DGKG: variants seen among roughly 807,000 people sequenced by gnomAD.
The protein encoded by DGKG is DAG kinase gamma.
In DGKG, 78 loss-of-function variants were observed where a neutral mutation model predicts 105.3. The observed-to-expected ratio is 0.74, with a 90% CI of 0.62 to 0.89. The LOEUF (loss-of-function observed/expected upper bound fraction) is 0.89, where lower values mean the gene tolerates loss of function less well. DGKG is among the 40% of genes least tolerant of loss of function. The pLI is 0.00. For synonymous variants in DGKG, 346 were observed against 367.1 expected (o/e 0.94, Z 0.66); for missense variants, 958 against 1,020.1 (o/e 0.94, Z 0.83).
At chr3:186,353,567 A>G (rs576024036) in intron 1 of DGKG, among the ~76,000 whole-genome samples, 2,741 of 78,832 alleles carry the variant, frequency 0.035, 38 homozygotes, top group Middle Eastern at 0.056. Flanking sequence ...TTATGTATGT[A>G]TATATATATA....
intron 1 of DGKG, among the ~76,000 whole-genome samples, chr3:186,334,077 C>T (rs912799783): frequency 1.3e-5 from 2 of 152,136 alleles, no homozygotes; most frequent in Non-Finnish European, 2.9e-5. Flanking sequence ...TCTAATTCTC[C>T]TTTCCTTTTC....
At chr3:186,307,476 T>C (rs1724303641) in intron 2 of DGKG, among the ~76,000 whole-genome samples, 1 of 152,252 alleles carries the variant, frequency 6.6e-6, no homozygotes, top group African/African-American at 2.4e-5. Context: ...TCAACTCCTT[T>C]GTAAAGTCTT....
At chr3:186,151,845 G>C (rs1715776481) in intron 24 of DGKG, among the ~76,000 whole-genome samples, 1 of 152,108 alleles carries the variant, frequency 6.6e-6, no homozygotes, top group Non-Finnish European at 1.5e-5. Context: ...TCGGGAGGCT[G>C]AGATGGGCGG....
chr3:186,184,780 G>A (rs1273852705), intron 22 of DGKG, among the ~76,000 whole-genome samples: 1 of 152,038 alleles, frequency 6.6e-6, no homozygotes. Context: ...CTCCTACTGT[G>A]TCCTGATTTC....
intron 1 of DGKG, among the ~76,000 whole-genome samples, chr3:186,349,356 A>G (rs1283562948): frequency 6.6e-6 from 1 of 152,050 alleles, no homozygotes; most frequent in Non-Finnish European, 1.5e-5. Flanking sequence ...AGCTTTCTGC[A>G]TTGTTCCAAT....
rs552694585 is a variant in DGKG, at chr3:186,254,333, C to T, written c.1511-1151G>A. ...CTGACCTATATCAGAAATGGCTGAG[C>T]GCAGGCAAGACCCAGGACTGAGATG... On this transcript the variant is annotated intron_variant, in intron 17 of 24. Transcript: ENST00000265022. Among the ~76,000 whole-genome samples the T allele has an allele frequency of 5.3e-5, 8 of 152,234 alleles. No individual in the cohort carries two copies. In the South Asian group the frequency reaches 1.5e-3, roughly 28 times the overall value.
chr3:186,235,104 G>A (rs926168510), intron 20 of DGKG, among the ~76,000 whole-genome samples: 2 of 152,192 alleles, frequency 1.3e-5, no homozygotes, highest in Non-Finnish European at 2.9e-5. Context: ...GAGAGGTGGG[G>A]AGGGTGGGGG....
At chr3:186,347,075 A>G (rs1203971038) in intron 1 of DGKG, among the ~76,000 whole-genome samples, 1 of 151,852 alleles carries the variant, frequency 6.6e-6, no homozygotes, top group East Asian at 1.9e-4. Flanking sequence ...TTCATTTTTT[A>G]TCCCTTTCTC....
chr3:186,210,978 A>G lies in DGKG; in HGVS notation c.1917+817T>C, dbSNP rs914193053. Among the ~76,000 whole-genome samples, 29 of 152,146 alleles carry G rather than the reference A, an allele frequency of 1.9e-4. No homozygotes were observed. The highest frequency in any genetic ancestry group is 3.8e-4 in the Non-Finnish European group (26 of 68,018). ...CAAGGAGCTGTCCTCATGGCAATCA[A>G]TGAGAGGGCTTCCGGAGCGAAGCCC... is the stretch of plus-strand genomic sequence containing the variant. On this transcript the variant is annotated intron_variant, in intron 21 of 24. Transcript: ENST00000265022. The surrounding 1 kb of genome is among the most constrained non-coding windows in gnomAD (Gnocchi z 5.2).
In DGKG at chr3:186,244,086, G is replaced by A. The variant is rs559531239; in HGVS notation, c.1762-1518C>T. 8.2e-4 allele frequency among the ~76,000 whole-genome samples: 124 copies of A among 151,934 alleles called. 2 individuals carry two copies. Among genetic ancestry groups the A allele is most frequent in the African/African-American group, 2.5e-3 (102 of 41,386 alleles). ...TAATTTTTGTATTTTTAGTAGAGAC[G>A]GGTCTTCGCCATGTTGGCCAGGCTG... is the stretch of plus-strand genomic sequence containing the variant. On this transcript the variant is annotated intron_variant, in intron 19 of 24. Transcript: ENST00000265022.
chr3:186,168,234 G>C (rs147420680), intron 22 of DGKG, among the ~76,000 whole-genome samples: 32 of 152,302 alleles, frequency 2.1e-4, no homozygotes, highest in African/African-American at 7.0e-4. Context: ...TTTTTGGCCA[G>C]AGCTAGAGGA....
intron 1 of DGKG, among the ~76,000 whole-genome samples, chr3:186,345,063 G>A (rs560615343): frequency 1.6e-3 from 245 of 152,086 alleles, no homozygotes; most frequent in African/African-American, 5.8e-3. Context: ...ATCAGTTTGG[G>A]GTGCAATATT....
chr3:186,347,397 G>A (rs1191779285), intron 1 of DGKG, among the ~76,000 whole-genome samples: 56 of 137,132 alleles, frequency 4.1e-4, no homozygotes, highest in Middle Eastern at 8.9e-3. Context: ...GCAGTGAGCC[G>A]AGACCACAGC....
intron 24 of DGKG, chr3:186,158,737 A>G: frequency 1.0e-6 from 1 of 972,042 alleles, no homozygotes; most frequent in Non-Finnish European, 1.2e-6. Flanking sequence ...CTGTCTGTCA[A>G]TTCTATATCA....
chr3:186,212,596 T>G (rs1177677823), intron 20 of DGKG, among the ~76,000 whole-genome samples: 1 of 152,150 alleles, frequency 6.6e-6, no homozygotes, highest in East Asian at 1.9e-4. Flanking sequence ...TTTAAAAATT[T>G]TCAGCATTTT....
chr3:186,149,085 G>A lies in DGKG; in HGVS notation c.*1005C>T, dbSNP rs1238326717. On this transcript the variant is annotated 3_prime_UTR_variant, in exon 25 of 25. Transcript: ENST00000265022. ...TCAGGTCATACTCTGGGAGTGGTGA[G>A]TGCAAAGAAGCAGGAGGGAACCGTC... 7.1e-6 allele frequency: 7 copies of A among 984,740 alleles called. No homozygotes were observed. The highest frequency in any genetic ancestry group is 1.2e-6 in the Non-Finnish European group (1 of 829,800). The allele number at this position is 984,740 out of a possible 1,614,324, so 61.0% of individuals were successfully genotyped here. A position where few individuals can be genotyped will look rare whatever the true frequency, so the allele number is the denominator to read the frequency against.
At chr3:186,245,911 CAAACAAA>C (rs1223997215) in intron 19 of DGKG, among the ~76,000 whole-genome samples, 7 of 148,412 alleles carry the variant, frequency 4.7e-5, no homozygotes, top group Non-Finnish European at 7.4e-5. Flanking sequence ...AAAAAACAAA[CAAACAAA>C]AAAACAACAA....
chr3:186,204,094 C>T (rs957683788), intron 21 of DGKG, among the ~76,000 whole-genome samples: 3 of 152,150 alleles, frequency 2.0e-5, no homozygotes, highest in Admixed American at 1.3e-4. Context: ...CCTGTGAAGT[C>T]CTTGATGTCT....
intron 2 of DGKG, among the ~76,000 whole-genome samples, chr3:186,308,349 T>A (rs1299609789): frequency 2.0e-5 from 3 of 152,104 alleles, no homozygotes; most frequent in Non-Finnish European, 4.4e-5. Flanking sequence ...CAAACCAGGG[T>A]TTCTCTGACC....
Sources: gnomAD v4.1 joint callset for allele counts (sites outside exome capture counted in the v4.1 genomes callset) on GRCh38, gnomAD v4.1.1 for gene constraint, Gnocchi (gnomAD v3.1) non-coding constraint, MANE v1.5 for transcripts, NCBI Gene and HGNC (gene_info 2026-07-23, HGNC 2026-07-21) for gene names.